Variants in GCN1 observed in about 807,000 individuals in gnomAD.
The protein encoded by GCN1 is GCN1 activator of EIF2AK4, also known as stalled ribosome sensor GCN1.
GCN1 carries 90 observed loss-of-function variants against 288.4 expected under a neutral mutation model. The ratio of observed to expected loss-of-function variants is 0.31; its 90% CI spans 0.26 to 0.37. The LOEUF (loss-of-function observed/expected upper bound fraction) is 0.37, where lower values mean the gene tolerates loss of function less well. Ranked by LOEUF, GCN1 falls within the 10% of genes least tolerant of loss-of-function variation. GCN1 has a pLI of 1.00. For missense variants in GCN1, 2,586 were observed against 3,419.9 expected, an observed-to-expected ratio of 0.76 and a Z score of 6.08; for synonymous variants, 1,386 against 1,420.2, an observed-to-expected ratio of 0.98 and a Z score of 0.54.
intron 42 of GCN1, among the ~76,000 whole-genome samples, chr12:120,143,169 T>C (rs182742764): frequency 1.8e-4 from 27 of 152,242 alleles, no homozygotes; most frequent in Admixed American, 5.2e-4. Context: ...TTTAAAAACA[T>C]GTAAAAATTT....
Position 120,155,055 on chromosome 12 carries a change from T to G in GCN1, c.3631-15A>C, listed in dbSNP as rs370921001. 1.4e-5 allele frequency: 22 copies of G among 1,611,012 alleles called. 1 individual carries two copies. In the East Asian group the frequency reaches 1.8e-4, roughly 13 times the overall value. ...GGGGGCGGCCGCTGCAACAGACAAG[T>G]TGGTAAATGCTTTGCAACGGGCAGA... On this transcript the variant is annotated splice_polypyrimidine_tract_variant and intron_variant, in intron 30 of 57. Coordinates refer to ENST00000300648, the MANE Select transcript of GCN1 (RefSeq NM_006836.2). This position sits in a 1 kb window ranked among gnomAD's most constrained non-coding sequence, Gnocchi z 4.9.
Position 120,177,475 on chromosome 12 carries a change from T to A in GCN1, c.810A>T (p.Leu270Phe), listed in dbSNP as rs753603588. ...DLILPTIQKS[L>F]LRSPENVIET... ...CAATAACATTCTCTGGACTCCTCAG[T>A]AAGGACTTCTGTATGGTGGGCAGTA... Residue 270 changes from leucine to phenylalanine, a missense_variant, in exon 9 of 58, where the codon TTA becomes TTT. Transcript: ENST00000300648. The A allele has an allele frequency of 6.2e-7, 1 of 1,602,808 alleles. No homozygotes were observed. The highest frequency in any genetic ancestry group is 1.1e-5 in the South Asian group (1 of 90,846).
At chr12:120,150,828 T>C (rs1877523128) in intron 34 of GCN1, among the ~76,000 whole-genome samples, 1 of 151,670 alleles carries the variant, frequency 6.6e-6, no homozygotes, top group Non-Finnish European at 1.5e-5. Flanking sequence ...TCCCAGCTAC[T>C]TGGGAGGCTA....
intron 2 of GCN1, among the ~76,000 whole-genome samples, chr12:120,189,157 C>T (rs1878921963): frequency 6.6e-6 from 1 of 151,906 alleles, no homozygotes; most frequent in African/African-American, 2.4e-5. Context: ...GCAACCTCCA[C>T]TGCCTCCCAG....
intron 21 of GCN1, 128 bp from the exon 22 acceptor site, chr12:120,161,711 C>T: frequency 1.1e-6 from 1 of 890,424 alleles, no homozygotes; most frequent in South Asian, 1.5e-5. Context: ...ATACTGGACA[C>T]ACTTAAATAC....
At chr12:120,159,510 C>A (rs1877860496) in intron 24 of GCN1, among the ~76,000 whole-genome samples, 1 of 152,178 alleles carries the variant, frequency 6.6e-6, no homozygotes, top group African/African-American at 2.4e-5. Context: ...CTGGGCTGAG[C>A]CACCAAACCA....
In GCN1 at chr12:120,131,888, G is replaced by A. The variant is rs1053648119; in HGVS notation, c.7414+38C>T. On this transcript the variant is annotated intron_variant, in intron 54 of 57. Coordinates refer to ENST00000300648, the MANE Select transcript of GCN1 (RefSeq NM_006836.2). The stretch of plus-strand genomic sequence containing the variant: ...GTCGACTCTTCGCTAGGGCTGAGAG[G>A]CCCAGGTCCCTGAAGGGGAACTCTC... The A allele has an allele frequency of 5.3e-6, 7 of 1,326,364 alleles. No homozygotes were observed. In the African/African-American group the frequency reaches 8.7e-5, roughly 16 times the overall value. The allele number at this position is 1,326,364 out of a possible 1,614,324, so 82.2% of individuals were successfully genotyped here. A position where few individuals can be genotyped will look rare whatever the true frequency, so the allele number is the denominator to read the frequency against.
intron 2 of GCN1, among the ~76,000 whole-genome samples, chr12:120,189,907 G>A (rs889941871): frequency 2.6e-5 from 4 of 152,104 alleles, no homozygotes; most frequent in African/African-American, 7.2e-5. Flanking sequence ...TGAACCCAGC[G>A]AGGCAGAGGT....
intron 16 of GCN1, among the ~76,000 whole-genome samples, chr12:120,167,827 TG>T (rs1878181733): frequency 6.6e-6 from 1 of 152,110 alleles, no homozygotes; most frequent in African/African-American, 2.4e-5. Context: ...GTTCCTTTTC[TG>T]CCAGGATAGA....
chr12:120,145,138 G>C, intron 39 of GCN1, 77 bp from the exon 40 acceptor site: 1 of 1,577,620 alleles, frequency 6.3e-7, no homozygotes, highest in Non-Finnish European at 8.7e-7. Context: ...AGCAGGAAGG[G>C]GCACCGAGGG....
chr12:120,168,813 G>A (rs971679104), intron 15 of GCN1, among the ~76,000 whole-genome samples: 5 of 151,760 alleles, frequency 3.3e-5, no homozygotes, highest in African/African-American at 1.2e-4. Flanking sequence ...ATTTCCTCGC[G>A]CCTACTGTGA....
chr12:120,137,930 C>T lies in GCN1; in HGVS notation c.6364G>A (p.Glu2122Lys). 2 of 1,614,222 alleles carry T rather than the reference C, an allele frequency of 1.2e-6. No individual in the cohort carries two copies. Among genetic ancestry groups the T allele is most frequent in the African/African-American group, 1.3e-5 (1 of 75,050 alleles). ...ILPAVMLALKEKLGTPDEQLE... is the reference protein window; with the variant it reads ...ILPAVMLALKKKLGTPDEQLE... Reference sequence around the variant, plus strand: ...TGCTCATCTGGGGTCCCAAGCTTTTCCTTCAGGGCCAGCATGACCGCTGGG... The same window carrying T: ...TGCTCATCTGGGGTCCCAAGCTTTTTCTTCAGGGCCAGCATGACCGCTGGG... Residue 2122 changes from glutamate to lysine, a missense_variant, in exon 48 of 58, where the codon GAA (glutamate) becomes AAA (lysine). Glu to Lys is a moderately conservative substitution (Grantham distance 56, BLOSUM62 1). Coordinates refer to ENST00000300648, the MANE Select transcript of GCN1 (RefSeq NM_006836.2). This position sits in a 1 kb window ranked among gnomAD's most constrained non-coding sequence, Gnocchi z 5.2.
intron 38 of GCN1, 48 bp downstream of exon 38, chr12:120,147,004 T>G (rs762181265): frequency 8.4e-7 from 1 of 1,195,160 alleles, no homozygotes; most frequent in Admixed American, 2.7e-5. Flanking sequence ...GACTCTGCAC[T>G]CAAACATCTT....
chr12:120,161,441 G>C (rs776125167), intron 22 of GCN1, 49 bp downstream of exon 22: 2 of 1,259,884 alleles, frequency 1.6e-6, no homozygotes, highest in Non-Finnish European at 2.3e-6. Context: ...ACCAGCTTGA[G>C]GCCACCAAGC....
At position 120,156,677 on chromosome 12, in the gene GCN1, C is replaced by A. The variant is rs1222751387; in HGVS notation, c.3169-73G>T. The A allele has an allele frequency of 6.9e-7, 1 of 1,453,184 alleles. No individual in the cohort carries two copies. Among genetic ancestry groups the A allele is most frequent in the Admixed American group, 1.7e-5 (1 of 57,206 alleles). The allele number at this position is 1,453,184 out of a possible 1,614,324, so 90.0% of individuals were successfully genotyped here. ...CTAGGGGGCCAGAGAGGGATATGCA[C>A]TGAGAACACCCACCCCTACAGCACT... On this transcript the variant is annotated intron_variant, in intron 27 of 57. Transcript: ENST00000300648. The surrounding 1 kb of genome is among the most constrained non-coding windows in gnomAD (Gnocchi z 5.8).
chr12:120,169,139 TAAA>T (rs1566313301), intron 15 of GCN1, among the ~76,000 whole-genome samples: 1 of 151,864 alleles, frequency 6.6e-6, no homozygotes, highest in South Asian at 2.1e-4. Context: ...ACTAAAAATA[TAAA>T]AAATTAGCCG....
In GCN1 at chr12:120,153,897, C is replaced by T. The variant is rs558352518; in HGVS notation, c.3714G>A (p.Ala1238=). The T allele has an allele frequency of 8.7e-6, 14 of 1,613,654 alleles. No individual in the cohort carries two copies. Among genetic ancestry groups the T allele is most frequent in the Admixed American group, 5.0e-5 (3 of 59,960 alleles). ...PDQWEARCGL[A]LALNKLSQYL... Reference sequence around the variant, plus strand: ...ACTGGGAGAGCTTGTTGAGGGCCAACGCCAAGCCACACCTGGGAAAGAAGT... The same window carrying T: ...ACTGGGAGAGCTTGTTGAGGGCCAATGCCAAGCCACACCTGGGAAAGAAGT... The change falls in exon 32 of 58, where the codon GCG becomes GCA. Residue 1238 remains alanine, a synonymous_variant. Transcript: ENST00000300648. This position sits in a 1 kb window ranked among gnomAD's most constrained non-coding sequence, Gnocchi z 4.4.
intron 16 of GCN1, 25 bp downstream of exon 16, chr12:120,168,183 T>C (rs768006210): frequency 2.3e-6 from 3 of 1,313,340 alleles, no homozygotes; most frequent in Non-Finnish European, 3.3e-6. Flanking sequence ...CAATCCCGAG[T>C]TCAACTAAGC....
In GCN1 at chr12:120,173,691, C is replaced by G. The variant is rs542986659; in HGVS notation, c.1328G>C (p.Arg443Thr). The G allele has an allele frequency of 1.9e-6, 3 of 1,613,058 alleles. No individual in the cohort carries two copies. The South Asian group carries it at 3.3e-5, about 18-fold the overall frequency. ...FSLKTSTSAV[R>T]HAYLQCMLAS... ...CAACATGCACTGCAGGTAGGCATGC[C>G]TCACCGCAGATGTGGAGGTTTTAAG... The change falls in exon 14 of 58, where the codon AGG (arginine) becomes ACG (threonine). Residue 443 changes from arginine to threonine, a missense_variant. Physicochemically the swap from Arg to Thr is moderately conservative, Grantham distance 71 (BLOSUM62 -1). Transcript: ENST00000300648.
Sources: allele counts gnomAD v4.1 joint callset (sites outside exome capture counted in the v4.1 genomes callset), GRCh38; gene constraint gnomAD v4.1.1; non-coding constraint Gnocchi (gnomAD v3.1); transcripts MANE v1.5; gene names NCBI Gene and HGNC (gene_info 2026-07-23, HGNC 2026-07-21).